SMPD3: variants seen among roughly 807,000 people sequenced by gnomAD.
SMPD3 encodes sphingomyelin phosphodiesterase 3, also known as nSMase-2.
In SMPD3, 21 loss-of-function variants were observed where a neutral mutation model predicts 55.7. The ratio of observed to expected loss-of-function variants is 0.38; its 90% confidence interval spans 0.27 to 0.54. The LOEUF is 0.54. Ranked by LOEUF, SMPD3 falls within the 20% of genes least tolerant of loss-of-function variation. The pLI is 0.80. For synonymous variants in SMPD3, 457 were observed against 404.3 expected, an observed-to-expected ratio of 1.13 and a Z score of -1.56; for missense variants, 842 against 899.6, an observed-to-expected ratio of 0.94 and a Z score of 0.82.
chr16:68,375,156 G>A (rs2089778810), intron 2 of SMPD3, among the ~76,000 whole-genome samples: 1 of 152,004 alleles, frequency 6.6e-6, no homozygotes, highest in Non-Finnish European at 1.5e-5. Flanking sequence ...ACAGCCCCAA[G>A]CCCACCACCA....
At chr16:68,425,447 C>T (rs146969692) in intron 1 of SMPD3, among the ~76,000 whole-genome samples, 79 of 151,816 alleles carry the variant, frequency 5.2e-4, no homozygotes, top group Admixed American at 1.3e-3. Context: ...AGCGAAGGGG[C>T]CCAGCTTCCT....
At position 68,372,287 on chromosome 16, in the gene SMPD3, G is replaced by A. The variant is rs1319391749; in HGVS notation, c.-106C>T. ...CGAGTTGGGGGCAGCTGGAGGAGGG[G>A]TCACCTCCTGGCGAGATGCAACTCC... On this transcript the variant is annotated 5_prime_UTR_variant, in exon 3 of 9. Transcript: ENST00000219334. 2.3e-5 allele frequency: 33 copies of A among 1,442,016 alleles called. 1 individual carries two copies. In the East Asian group the frequency reaches 7.8e-4, roughly 34 times the overall value. 89.3% of individuals were successfully genotyped at this position (1,442,016 alleles called of 1,614,324 possible).
At position 68,365,051 on chromosome 16, in the gene SMPD3, C is replaced by T; in HGVS notation, c.1365G>A (p.Gly455=). ...CATGCAGGTGTGTGCAGGCGATGTA[C>T]CCGACGATTCTTTGGTCCTGAGGTG... ...GSTPQDQRIV[G]YIACTHLHAP... The change falls in exon 4 of 9, where the codon GGG becomes GGA. Residue 455 remains glycine, a synonymous_variant. Transcript: ENST00000219334. 6.2e-7 allele frequency: 1 copy of T among 1,614,078 alleles called. No individual in the cohort carries two copies. The highest frequency in any genetic ancestry group is 2.2e-5 in the East Asian group (1 of 44,878).
Position 68,358,356 on chromosome 16 carries a change from T to C in SMPD3, c.*2850A>G, listed in dbSNP as rs1597559544. ...GCCTCACAGTTTTATTTTCTCCTCG[T>C]TATCCATCCTTCCTTTCAGCACCAG... On this transcript the variant is annotated 3_prime_UTR_variant, in exon 9 of 9. Coordinates refer to ENST00000219334, the MANE Select transcript of SMPD3 (RefSeq NM_018667.4). 1 of 152,900 alleles carries C rather than the reference T, an allele frequency of 6.5e-6. No individual in the cohort carries two copies. The highest frequency in any genetic ancestry group is 1.9e-4 in the East Asian group (1 of 5,318). The allele number at this position is 152,900 out of a possible 1,614,324, so 9.5% of individuals were successfully genotyped here.
In SMPD3 at chr16:68,424,413, C is replaced by A. The variant is rs183716481; in HGVS notation, c.-269+23940G>T. Among the ~76,000 whole-genome samples the A allele has an allele frequency of 2.0e-4, 30 of 152,142 alleles. No individual in the cohort carries two copies. The East Asian group carries it at 5.5e-3, about 28-fold the overall frequency. On this transcript the variant is annotated intron_variant, in intron 1 of 8. Coordinates refer to ENST00000219334, the MANE Select transcript of SMPD3 (RefSeq NM_018667.4). The stretch of plus-strand genomic sequence containing the variant: ...TGACTCCTGGGCACTGCCTGCAGAG[C>A]TTTGGTCCTGTGTGCAAGGGCCTGT...
chr16:68,431,022 G>T (rs1271673432), intron 1 of SMPD3, among the ~76,000 whole-genome samples: 1 of 152,142 alleles, frequency 6.6e-6, no homozygotes, highest in African/African-American at 2.4e-5. Context: ...AGTGGGGACA[G>T]AATTCAGATA....
At position 68,447,415 on chromosome 16, in the gene SMPD3, G is replaced by A. The variant is rs2090618770; in HGVS notation, c.-269+938C>T. On this transcript the variant is annotated intron_variant, in intron 1 of 8. Transcript: ENST00000219334. This position sits in a 1 kb window ranked among gnomAD's most constrained non-coding sequence, Gnocchi z 5.1. ...CTGCGGTGCCAGAGGCTCGGTCCCC[G>A]GGGCGTGGTGGGCTAGGGCGGGTCG... Among the ~76,000 whole-genome samples the A allele has an allele frequency of 6.6e-6, 1 of 152,276 alleles. No individual in the cohort carries two copies. The highest frequency in any genetic ancestry group is 1.9e-4 in the East Asian group (1 of 5,174).
chr16:68,370,132 C>T (rs2089611134), intron 3 of SMPD3: 1 of 152,294 alleles, frequency 6.6e-6, no homozygotes, highest in African/African-American at 2.4e-5. Flanking sequence ...CTCTGAGCAT[C>T]TCAGGCGCAG....
chr16:68,403,242 C>T (rs2090226634), intron 1 of SMPD3, among the ~76,000 whole-genome samples: 1 of 152,228 alleles, frequency 6.6e-6, no homozygotes, highest in Admixed American at 6.5e-5. Context: ...CACCACTTAA[C>T]TCATTATGCA....
intron 1 of SMPD3, among the ~76,000 whole-genome samples, chr16:68,399,259 T>C (rs922328171): frequency 3.9e-5 from 6 of 152,126 alleles, no homozygotes; most frequent in East Asian, 1.9e-4. Flanking sequence ...TTTCCCCACA[T>C]GGGGACTTCT....
chr16:68,368,617 C>G (rs2089556805), intron 3 of SMPD3: 1 of 153,264 alleles, frequency 6.5e-6, no homozygotes, highest in African/African-American at 2.4e-5. Flanking sequence ...AGAAGAGGAG[C>G]AGCCCGGGGC....
At chr16:68,392,371 C>T (rs1421525166) in intron 1 of SMPD3, among the ~76,000 whole-genome samples, 2 of 152,228 alleles carry the variant, frequency 1.3e-5, no homozygotes, top group South Asian at 2.1e-4. Flanking sequence ...GTGTTTTGAA[C>T]ATGTTTAATG....
At chr16:68,430,483 A>G (rs1217056944) in intron 1 of SMPD3, among the ~76,000 whole-genome samples, 2 of 152,232 alleles carry the variant, frequency 1.3e-5, no homozygotes, top group Middle Eastern at 3.2e-3. Context: ...TTTTGGGTCA[A>G]GTCCACATTT....
chr16:68,440,564 T>G (rs1183083812), intron 1 of SMPD3, among the ~76,000 whole-genome samples: 1 of 152,248 alleles, frequency 6.6e-6, no homozygotes, highest in East Asian at 1.9e-4. Context: ...GAAATCCCAT[T>G]TAGTCACAGC....
chr16:68,379,815 T>A (rs1047711874), intron 2 of SMPD3, among the ~76,000 whole-genome samples: 1 of 152,216 alleles, frequency 6.6e-6, no homozygotes, highest in African/African-American at 2.4e-5. Context: ...TCTGGGGCAC[T>A]CCTTCAACCA....
At chr16:68,396,003 CCCTT>C (rs1392327778) in intron 1 of SMPD3, among the ~76,000 whole-genome samples, 2 of 152,172 alleles carry the variant, frequency 1.3e-5, no homozygotes, top group Admixed American at 6.5e-5. Context: ...CCCAGCCCTG[CCCTT>C]CCAGCCTCAG....
rs1188613380 is a variant in SMPD3, at chr16:68,404,756, A to AC, written c.-268-18098dup. Among the ~76,000 whole-genome samples the AC allele has an allele frequency of 6.6e-6, 1 of 152,252 alleles. No homozygotes were observed. Among genetic ancestry groups the AC allele is most frequent in the Non-Finnish European group, 1.5e-5 (1 of 68,048 alleles). On this transcript the variant is annotated intron_variant, in intron 1 of 8. Transcript: ENST00000219334. The surrounding 1 kb of genome is among the most constrained non-coding windows in gnomAD (Gnocchi z 4.0). ...AGCCTGAAACACTGTTTCCAGGAGT[A>AC]CAGCATAGAAAATAAGTCTTTCCAT...
intron 1 of SMPD3, among the ~76,000 whole-genome samples, chr16:68,446,237 A>G (rs1273965841): frequency 6.6e-6 from 1 of 152,210 alleles, no homozygotes; most frequent in Non-Finnish European, 1.5e-5. Flanking sequence ...ACTGGTGAGT[A>G]TGTCAGGGTC....
intron 1 of SMPD3, among the ~76,000 whole-genome samples, chr16:68,418,346 T>C (rs2090355898): frequency 6.7e-6 from 1 of 149,276 alleles, no homozygotes; most frequent in African/African-American, 2.5e-5. Context: ...ACTCTTTATG[T>C]AAATGAAGCC....
Sources: allele counts gnomAD v4.1 joint callset (sites outside exome capture counted in the v4.1 genomes callset), GRCh38; gene constraint gnomAD v4.1.1; non-coding constraint Gnocchi (gnomAD v3.1); transcripts MANE v1.5; gene names NCBI Gene and HGNC (gene_info 2026-07-23, HGNC 2026-07-21).